Variants in PCDHGA1 observed in about 807,000 individuals in gnomAD.
PCDHGA1 encodes the protein protocadherin gamma-A1.
Under a neutral mutation model 58.0 loss-of-function variants are expected in PCDHGA1, and 32 were observed. The ratio of observed to expected loss-of-function variants is 0.55; its 90% CI spans 0.42 to 0.74. The LOEUF (loss-of-function observed/expected upper bound fraction) is 0.74, where lower values mean the gene tolerates loss of function less well. Among genes scored for constraint, PCDHGA1 ranks in the 30% least tolerant of loss-of-function variants. The pLI, the probability that PCDHGA1 is intolerant of heterozygous loss-of-function variation, is 0.00. For missense variants in PCDHGA1, 1,205 were observed against 1,182.3 expected, an observed-to-expected ratio of 1.02 and a Z score of -0.28; for synonymous variants, 498 against 501.1, an observed-to-expected ratio of 0.99 and a Z score of 0.08.
At chr5:141,362,190 G>C (rs772308908) in intron 1 of PCDHGA1, 39 of 1,613,930 alleles carry the variant, frequency 2.4e-5, no homozygotes, top group Non-Finnish European at 3.0e-5. Context: ...CTGACCCCCA[G>C]GCAAAACTGC....
chr5:141,491,876 A>G lies in PCDHGA1; in HGVS notation c.2422-2931A>G. ...TTGCGCGAAACCAGAGTGGCCGATT[A>G]AGGGATGGGGCTCCGAGCACCGGGG... On this transcript the variant is annotated intron_variant, in intron 1 of 3. Coordinates refer to ENST00000517417, the MANE Select transcript of PCDHGA1 (RefSeq NM_018912.3). The surrounding 1 kb of genome is among the most constrained non-coding windows in gnomAD (Gnocchi z 6.9). 2.1e-6 allele frequency: 3 copies of G among 1,450,326 alleles called. No individual in the cohort carries two copies. Among genetic ancestry groups the G allele is most frequent in the Non-Finnish European group, 1.8e-6 (2 of 1,097,472 alleles). 89.8% of individuals were successfully genotyped at this position (1,450,326 alleles called of 1,614,324 possible).
At chr5:141,508,806 C>T (rs1243735850) in intron 3 of PCDHGA1, among the ~76,000 whole-genome samples, 1 of 152,066 alleles carries the variant, frequency 6.6e-6, no homozygotes, top group African/African-American at 2.4e-5. Flanking sequence ...AATCCTGGCT[C>T]TTTGAAGCCA....
chr5:141,420,050 C>A, intron 1 of PCDHGA1: 1 of 1,614,076 alleles, frequency 6.2e-7, no homozygotes. Context: ...TGAGTCAGTT[C>A]TCTGCTCCAA....
rs764039295 is a variant in PCDHGA1 at position 141,374,747 on chromosome 5, C to T, written c.2421+41642C>T. The T allele has an allele frequency of 3.7e-6, 6 of 1,612,022 alleles. No homozygotes were observed. Among genetic ancestry groups the T allele is most frequent in the East Asian group, 4.5e-5 (2 of 44,822 alleles). On this transcript the variant is annotated intron_variant, in intron 1 of 3. Transcript: ENST00000517417. ...TGCCATGGATGGCGGCGACCCTGTC[C>T]GCTCAAGCGTCGCCCAAATTCTGGT... is the stretch of plus-strand genomic sequence containing the variant.
chr5:141,360,660 C>A lies in PCDHGA1; in HGVS notation c.2421+27555C>A, dbSNP rs530891991. On this transcript the variant is annotated intron_variant, in intron 1 of 3. Coordinates refer to ENST00000517417, the MANE Select transcript of PCDHGA1 (RefSeq NM_018912.3). Reference sequence around the variant, plus strand: ...TACAAAGATACCACCTTAATGACAACGAGTACTTTGATCTCGCTGAGAAAC... The same window carrying A: ...TACAAAGATACCACCTTAATGACAAAGAGTACTTTGATCTCGCTGAGAAAC... 1.2e-5 allele frequency: 19 copies of A among 1,613,968 alleles called. No individual in the cohort carries two copies. The African/African-American group carries it at 2.4e-4, about 20-fold the overall frequency.
At chr5:141,500,475 C>T (rs1193752670) in intron 2 of PCDHGA1, among the ~76,000 whole-genome samples, 1 of 152,024 alleles carries the variant, frequency 6.6e-6, no homozygotes, top group African/African-American at 2.4e-5. Flanking sequence ...TCCCAAAGTG[C>T]TGGGATTACA....
intron 1 of PCDHGA1, chr5:141,392,860 T>G (rs726684): frequency 0.19 from 299,729 of 1,611,996 alleles, 30,027 homozygotes; most frequent in Admixed American, 0.35. Context: ...CTGATCCTGC[T>G]GTGCGCGCTG....
In PCDHGA1 at chr5:141,334,431, GCC is replaced by G. The variant is rs1756513589; in HGVS notation, c.2421+1327_2421+1328del. The G allele has an allele frequency of 6.7e-6, 1 of 150,184 alleles. No homozygotes were observed. Among genetic ancestry groups the G allele is most frequent in the Non-Finnish European group, 1.5e-5 (1 of 67,658 alleles). 9.3% of individuals were successfully genotyped at this position (150,184 alleles called of 1,614,324 possible). On this transcript the variant is annotated intron_variant, in intron 1 of 3. Coordinates refer to ENST00000517417, the MANE Select transcript of PCDHGA1 (RefSeq NM_018912.3). This position sits in a 1 kb window ranked among gnomAD's most constrained non-coding sequence, Gnocchi z 4.6. Reference sequence around the variant, plus strand: ...CTTGGAGCCCTGGAGTTCAAGACCAGCCGGACAGGGCGGCCTGCGACTGTAGT... The same window carrying G: ...CTTGGAGCCCTGGAGTTCAAGACCAGGGACAGGGCGGCCTGCGACTGTAGT...
chr5:141,415,815 A>G, intron 1 of PCDHGA1: 1 of 1,337,656 alleles, frequency 7.5e-7, no homozygotes, highest in East Asian at 2.7e-5. Context: ...AGGCCTATAT[A>G]TCATAAGGCT....
chr5:141,344,829 G>A, intron 1 of PCDHGA1: 1 of 1,613,956 alleles, frequency 6.2e-7, no homozygotes, highest in Non-Finnish European at 8.5e-7. Flanking sequence ...CACGGTGAAT[G>A]CCACTGACCC....
rs748660721 is a variant in PCDHGA1 at position 141,485,346 on chromosome 5, G to A, written c.2422-9461G>A. The A allele has an allele frequency of 1.2e-6, 2 of 1,614,178 alleles. No individual in the cohort carries two copies. Among genetic ancestry groups the A allele is most frequent in the South Asian group, 2.2e-5 (2 of 91,088 alleles). ...CAAGATTTCCTGCTGGATACGGACA[G>A]TCTGTCAGCTCGCAGGCTGCAGGTC... On this transcript the variant is annotated intron_variant, in intron 1 of 3. Transcript: ENST00000517417. This position sits in a 1 kb window ranked among gnomAD's most constrained non-coding sequence, Gnocchi z 5.7.
chr5:141,383,028 C>A (rs1561593921), intron 1 of PCDHGA1: 23 of 1,613,814 alleles, frequency 1.4e-5, no homozygotes, highest in Non-Finnish European at 1.9e-5. Flanking sequence ...ACAAAGGGTC[C>A]TTTGTGGGAG....
chr5:141,348,714 A>G (rs1175259407), intron 1 of PCDHGA1, among the ~76,000 whole-genome samples: 1 of 152,202 alleles, frequency 6.6e-6, no homozygotes, highest in African/African-American at 2.4e-5. Context: ...ATCCACTACA[A>G]CAGAAAGGGA....
At chr5:141,375,630 C>A (rs1162494057) in intron 1 of PCDHGA1, 1 of 1,614,246 alleles carries the variant, frequency 6.2e-7, no homozygotes, top group African/African-American at 1.3e-5. Flanking sequence ...ATTCTGTACG[C>A]CCTGCGCTCC....
rs192631651 is a variant in PCDHGA1, at chr5:141,432,052, C to G, written c.2422-62755C>G. On this transcript the variant is annotated intron_variant, in intron 1 of 3. Transcript: ENST00000517417. The surrounding 1 kb of genome is among the most constrained non-coding windows in gnomAD (Gnocchi z 6.0). Reference sequence around the variant, plus strand: ...CCGCCACTGACCGGGGAACCCCGCCCCTATCCACGGAAACTCATATCTCGC... The same window carrying G: ...CCGCCACTGACCGGGGAACCCCGCCGCTATCCACGGAAACTCATATCTCGC... The G allele has an allele frequency of 8.1e-6, 13 of 1,614,226 alleles. No homozygotes were observed. In the Admixed American group the frequency reaches 1.8e-4, roughly 23 times the overall value.
At chr5:141,475,903 G>A in intron 1 of PCDHGA1, 1 of 576,064 alleles carries the variant, frequency 1.7e-6, no homozygotes. Context: ...TGCCGCTGTC[G>A]GCCAATGAAG....
rs143907071 is a variant in PCDHGA1, at chr5:141,372,926, G to A, written c.2421+39821G>A. 48 of 943,814 alleles carry A rather than the reference G, an allele frequency of 5.1e-5. No individual in the cohort carries two copies. In the African/African-American group the frequency reaches 7.5e-4, roughly 15 times the overall value. 58.5% of individuals were successfully genotyped at this position (943,814 alleles called of 1,614,324 possible). On this transcript the variant is annotated intron_variant, in intron 1 of 3. Coordinates refer to ENST00000517417, the MANE Select transcript of PCDHGA1 (RefSeq NM_018912.3). ...GATTACATTATTTTATTGATTTTCT[G>A]GTGTAGAGTAGGGTGTCTAGGAAAT...
chr5:141,339,555 T>C, intron 1 of PCDHGA1: 2 of 1,614,138 alleles, frequency 1.2e-6, no homozygotes, highest in Middle Eastern at 1.6e-4. Context: ...CCAGAACTGG[T>C]GCTGGAGCGC....
At chr5:141,402,910 G>A in intron 1 of PCDHGA1, 2 of 1,549,722 alleles carry the variant, frequency 1.3e-6, no homozygotes, top group Non-Finnish European at 1.7e-6. Context: ...ATGAAGCAGC[G>A]CGCACAGAGA....
Sources: allele counts gnomAD v4.1 joint callset (sites outside exome capture counted in the v4.1 genomes callset), GRCh38; gene constraint gnomAD v4.1.1; non-coding constraint Gnocchi (gnomAD v3.1); transcripts MANE v1.5; gene names NCBI Gene and HGNC (gene_info 2026-07-23, HGNC 2026-07-21).